GRTP1: variants seen among roughly 807,000 people sequenced by gnomAD.
The protein encoded by GRTP1 is growth hormone-regulated TBC protein 1.
In GRTP1, 56 loss-of-function variants were observed where a neutral mutation model predicts 38.1. The ratio of observed to expected loss-of-function variants is 1.47; its 90% CI spans 1.19 to 1.84. The LOEUF (loss-of-function observed/expected upper bound fraction) is 1.84, where lower values mean the gene tolerates loss of function less well. GRTP1 is among the 40% of genes most tolerant of loss of function. The pLI is 0.00. For synonymous variants in GRTP1, 217 were observed against 189.5 expected, an observed-to-expected ratio of 1.14 and a Z score of -1.19; for missense variants, 506 against 453.9, an observed-to-expected ratio of 1.11 and a Z score of -1.04.
At chr13:113,338,725 G>T (rs2042988153) in intron 5 of GRTP1, among the ~76,000 whole-genome samples, 1 of 152,204 alleles carries the variant, frequency 6.6e-6, no homozygotes, top group Admixed American at 6.5e-5. Flanking sequence ...GGGCCTGGAG[G>T]CCTCGGTGGC....
rs7330993 is a variant in GRTP1 at position 113,343,081 on chromosome 13, C to T, written c.562+1782G>A. ...ACACCCCTGAACGGCGCCCAGAACA[C>T]GATAGGTTTTCAACAATATGTGGTG... On this transcript the variant is annotated intron_variant, in intron 5 of 7. Coordinates refer to ENST00000375431, the MANE Select transcript of GRTP1 (RefSeq NM_024719.4). This position sits in a 1 kb window ranked among gnomAD's most constrained non-coding sequence, Gnocchi z 4.8. Among the ~76,000 whole-genome samples, 35,665 of 151,870 alleles carry T rather than the reference C, an allele frequency of 0.23. 5,830 individuals carry two copies. Among genetic ancestry groups the T allele is most frequent in the African/African-American group, 0.46 (19,074 of 41,356 alleles).
At chr13:113,362,259 G>A (rs898928635) in intron 2 of GRTP1, among the ~76,000 whole-genome samples, 1 of 152,214 alleles carries the variant, frequency 6.6e-6, no homozygotes, top group Non-Finnish European at 1.5e-5. Flanking sequence ...GAACCCAGGA[G>A]GTGGAGGTTG....
At chr13:113,344,621 G>A (rs1003767595) in intron 5 of GRTP1, among the ~76,000 whole-genome samples, 27 of 142,860 alleles carry the variant, frequency 1.9e-4, no homozygotes, top group African/African-American at 6.5e-4. Flanking sequence ...GCTGAGGCAG[G>A]AGAATCACTT....
At chr13:113,361,204 C>A (rs2043491223) in intron 2 of GRTP1, among the ~76,000 whole-genome samples, 2 of 96,540 alleles carry the variant, frequency 2.1e-5, no homozygotes, top group South Asian at 4.4e-4. Flanking sequence ...TGATAGAGAC[C>A]AATGCTAAAA....
chr13:113,339,276 G>A (rs1368731992), intron 5 of GRTP1, among the ~76,000 whole-genome samples: 2 of 152,022 alleles, frequency 1.3e-5, no homozygotes, highest in Non-Finnish European at 2.9e-5. Context: ...TTAATTATAT[G>A]GATCAAAGAT....
intron 4 of GRTP1, among the ~76,000 whole-genome samples, chr13:113,345,617 G>A (rs1215299317): frequency 6.6e-6 from 1 of 152,210 alleles, no homozygotes; most frequent in Non-Finnish European, 1.5e-5. Context: ...CTAGTAATAA[G>A]GGAAAAGAAT....
intron 5 of GRTP1, among the ~76,000 whole-genome samples, chr13:113,326,409 C>T (rs1164474154): frequency 7.1e-6 from 1 of 139,912 alleles, no homozygotes; most frequent in Non-Finnish European, 1.6e-5. Flanking sequence ...GTGGCTCACA[C>T]CTGTAATCCC....
chr13:113,351,318 G>A (rs556491237), intron 3 of GRTP1, among the ~76,000 whole-genome samples: 8 of 152,350 alleles, frequency 5.3e-5, no homozygotes, highest in South Asian at 4.1e-4. Flanking sequence ...GACCTCGCGC[G>A]TAGCGGAGGC....
At chr13:113,362,704 C>T (rs2043520851) in intron 2 of GRTP1, among the ~76,000 whole-genome samples, 1 of 152,182 alleles carries the variant, frequency 6.6e-6, no homozygotes, top group Admixed American at 6.5e-5. Context: ...TGTGCCTGGC[C>T]GTGGTCACCA....
chr13:113,329,299 C>T (rs986365192), intron 5 of GRTP1, among the ~76,000 whole-genome samples: 2 of 152,142 alleles, frequency 1.3e-5, no homozygotes, highest in South Asian at 2.1e-4. Flanking sequence ...CCGCATTGGC[C>T]GGGTGCAGTG....
chr13:113,324,658 A>C, intron 7 of GRTP1, 81 bp from the exon 8 acceptor site: 1 of 1,518,462 alleles, frequency 6.6e-7, no homozygotes, highest in South Asian at 1.3e-5. Context: ...AGGCAGGCAG[A>C]CAGGCCTCGT....
chr13:113,352,258 ATATTTT>A (rs1178555363), intron 3 of GRTP1, among the ~76,000 whole-genome samples: 16 of 66,908 alleles, frequency 2.4e-4, no homozygotes, highest in African/African-American at 9.1e-4. Context: ...ATATATTTAT[ATATTTT>A]TATATTTTTA....
chr13:113,354,961 G>T (rs2043354546), intron 3 of GRTP1, among the ~76,000 whole-genome samples: 1 of 152,234 alleles, frequency 6.6e-6, no homozygotes, highest in South Asian at 2.1e-4. Context: ...GGAAGCCCTG[G>T]TGTGCGGCCT....
At chr13:113,361,966 T>A (rs1001623386) in intron 2 of GRTP1, 1 of 152,042 alleles carries the variant, frequency 6.6e-6, no homozygotes, top group Non-Finnish European at 1.5e-5. Flanking sequence ...CTGGCCAATA[T>A]GGTAAAACCC....
chr13:113,354,387 G>A (rs576849571), intron 3 of GRTP1, among the ~76,000 whole-genome samples: 67 of 152,258 alleles, frequency 4.4e-4, no homozygotes, highest in African/African-American at 1.5e-3. Context: ...TCCCCGTCCC[G>A]TCTTTCTAAC....
At chr13:113,361,914 C>CA (rs1416262113) in intron 2 of GRTP1, 1 of 152,032 alleles carries the variant, frequency 6.6e-6, no homozygotes, top group Non-Finnish European at 1.5e-5. Context: ...TTTGGGAGGC[C>CA]AACGTGGGCA....
chr13:113,359,644 TCAGA>T (rs1484566699), intron 2 of GRTP1: 2 of 152,040 alleles, frequency 1.3e-5, no homozygotes, highest in Non-Finnish European at 2.9e-5. Context: ...AGCTCTGGAG[TCAGA>T]CACTCTGCTC....
At chr13:113,341,144 G>A (rs1333794994) in intron 5 of GRTP1, among the ~76,000 whole-genome samples, 1 of 150,484 alleles carries the variant, frequency 6.6e-6, no homozygotes, top group African/African-American at 2.4e-5. Context: ...CTAAACTCAC[G>A]AATGCACCAA....
rs1469636198 is a variant in GRTP1, at chr13:113,344,871, A to G, written c.554T>C (p.Ile185Thr). ...AGGAATTTTCAACATACCTGGTAGT[A>G]TTCTTCCAACAAGAGCATCTAACAG... ...FWLLDALVGR[I>T]LPDYYSPAML... is the part of the protein sequence containing the mutation. Residue 185 changes from isoleucine (I) to threonine (T), a missense_variant, in exon 5 of 8, where the codon ATA becomes ACA. Coordinates refer to ENST00000375431, the MANE Select transcript of GRTP1 (RefSeq NM_024719.4). 1.2e-6 allele frequency: 2 copies of G among 1,607,266 alleles called. No homozygotes were observed. Among genetic ancestry groups the G allele is most frequent in the Admixed American group, 1.7e-5 (1 of 58,368 alleles).
Sources: gnomAD v4.1 joint callset for allele counts (sites outside exome capture counted in the v4.1 genomes callset) on GRCh38, gnomAD v4.1.1 for gene constraint, Gnocchi (gnomAD v3.1) non-coding constraint, MANE v1.5 for transcripts, NCBI Gene and HGNC (gene_info 2026-07-23, HGNC 2026-07-21) for gene names.